Variants in TCF7L2 observed in about 807,000 individuals in gnomAD.
The protein encoded by TCF7L2 is transcription factor 7 like 2, also known as transcription factor 7-like 2.
TCF7L2 carries 23 observed loss-of-function variants against 77.9 expected under a neutral mutation model. That is an observed-to-expected ratio of 0.30 (90% CI 0.21 to 0.42). The LOEUF is 0.42. Among genes scored for constraint, TCF7L2 ranks in the 10% least tolerant of loss-of-function variants. The pLI is 1.00. For missense variants in TCF7L2, 654 were observed against 793.1 expected, an observed-to-expected ratio of 0.82 and a Z score of 2.11; for synonymous variants, 413 against 340.2, an observed-to-expected ratio of 1.21 and a Z score of -2.36.
chr10:112,959,469 T>TA (rs1218904837), intron 3 of TCF7L2, among the ~76,000 whole-genome samples: 1 of 152,118 alleles, frequency 6.6e-6, no homozygotes, highest in African/African-American at 2.4e-5. Context: ...ATTGAGACAG[T>TA]AGGAGAGATT....
At chr10:113,136,467 A>G (rs1052355280) in intron 5 of TCF7L2, among the ~76,000 whole-genome samples, 1 of 152,158 alleles carries the variant, frequency 6.6e-6, no homozygotes, top group Non-Finnish European at 1.5e-5. Context: ...CGTTGTCATC[A>G]TGTTTTCAGA....
At chr10:112,964,427 A>G (rs2036026059) in intron 3 of TCF7L2, 129 bp from the exon 4 acceptor site, 1 of 731,116 alleles carries the variant, frequency 1.4e-6, no homozygotes. Context: ...GAAAGTACAC[A>G]GGTCTTGATT....
chr10:113,062,259 T>C (rs2056579871), intron 5 of TCF7L2, among the ~76,000 whole-genome samples: 1 of 152,176 alleles, frequency 6.6e-6, no homozygotes, highest in Non-Finnish European at 1.5e-5. Flanking sequence ...CTGTGTTCTT[T>C]GCCTACCCCT....
In TCF7L2 at chr10:112,955,705, T is replaced by C. The variant is rs186945014; in HGVS notation, c.381+4098T>C. On this transcript the variant is annotated intron_variant, in intron 3 of 13. Transcript: ENST00000627217. ...TTACTGATAGGGATTTCATTTAGAGTCATTGCTGGAAGTTGGTCAGCTTTC... is the reference window on the plus strand; with the variant it reads ...TTACTGATAGGGATTTCATTTAGAGCCATTGCTGGAAGTTGGTCAGCTTTC... Among the ~76,000 whole-genome samples, 525 of 152,222 alleles carry C rather than the reference T, an allele frequency of 3.4e-3. 1 individual carries two copies. Among genetic ancestry groups the C allele is most frequent in the Non-Finnish European group, 5.7e-3 (391 of 68,016 alleles).
chr10:113,164,767 C>T (rs553795991), intron 13 of TCF7L2, among the ~76,000 whole-genome samples: 15 of 149,614 alleles, frequency 1.0e-4, no homozygotes, highest in African/African-American at 3.2e-4. Context: ...TTTTTTGTTT[C>T]GTTTTTTGTT....
At chr10:113,116,188 C>T (rs879655931) in intron 5 of TCF7L2, among the ~76,000 whole-genome samples, 38 of 152,048 alleles carry the variant, frequency 2.5e-4, no homozygotes, top group Non-Finnish European at 4.7e-4. Context: ...ATCATTTTCT[C>T]CCTCTTTTCC....
chr10:112,969,853 C>G (rs1282671663), intron 4 of TCF7L2, among the ~76,000 whole-genome samples: 1 of 152,192 alleles, frequency 6.6e-6, no homozygotes, highest in East Asian at 1.9e-4. Flanking sequence ...GAATGCCCTG[C>G]AGGTGATTGT....
intron 12 of TCF7L2, among the ~76,000 whole-genome samples, chr10:113,159,249 TCTAA>T (rs1292321418): frequency 1.2e-4 from 19 of 152,178 alleles, no homozygotes; most frequent in Admixed American, 2.6e-4. Flanking sequence ...GCTATGAGCT[TCTAA>T]CTAACTCCTA....
intron 3 of TCF7L2, among the ~76,000 whole-genome samples, chr10:112,964,281 A>T (rs2035986804): frequency 6.6e-6 from 1 of 151,984 alleles, no homozygotes; most frequent in Admixed American, 6.6e-5. Context: ...TTTCCTTTTC[A>T]TGTCATTGAT....
intron 5 of TCF7L2, among the ~76,000 whole-genome samples, chr10:113,134,815 A>G (rs2067159240): frequency 6.6e-6 from 1 of 152,174 alleles, no homozygotes; most frequent in South Asian, 2.1e-4. Context: ...AAGACCCCCA[A>G]AGACCTTCCA....
intron 5 of TCF7L2, among the ~76,000 whole-genome samples, chr10:113,058,459 A>G (rs2134777050): frequency 6.6e-6 from 1 of 152,214 alleles, no homozygotes; most frequent in East Asian, 1.9e-4. Context: ...GGTTCGTTGG[A>G]AAATGTGGTT....
chr10:112,951,511 T>G lies in TCF7L2; in HGVS notation c.285T>G (p.Phe95Leu), dbSNP rs755936952. The change falls in exon 3 of 14, where the codon TTT (phenylalanine) becomes TTG (leucine). Residue 95 changes from phenylalanine to leucine, a missense_variant. Physicochemically the swap from Phe to Leu is conservative, Grantham distance 22. This residue lies in a region of TCF7L2 where 132 missense variants were observed against 123.7 expected (regional missense o/e 1.07). Coordinates refer to ENST00000627217, the MANE Select transcript of TCF7L2 (RefSeq NM_001146274.2). The stretch of plus-strand genomic sequence containing the variant: ...CCAAGAGGCAAGATGGAGGGCTCTT[T>G]AAGGGGCCACCGTATCCCGGCTACC... 7.0e-7 allele frequency: 1 copy of G among 1,429,200 alleles called. No individual in the cohort carries two copies. The highest frequency in any genetic ancestry group is 3.5e-5 in the East Asian group (1 of 28,492). The allele number at this position is 1,429,200 out of a possible 1,614,324, so 88.5% of individuals were successfully genotyped here.
intron 11 of TCF7L2, among the ~76,000 whole-genome samples, chr10:113,152,871 C>T (rs1266439847): frequency 2.0e-5 from 3 of 152,192 alleles, no homozygotes; most frequent in Non-Finnish European, 2.9e-5. Flanking sequence ...TTAATTCCTC[C>T]CAGGCCTTTC....
At position 112,950,837 on chromosome 10, in the gene TCF7L2, G is replaced by C. The variant is rs1411132876; in HGVS notation, c.81G>C (p.Gln27His). 6.2e-7 allele frequency: 1 copy of C among 1,607,854 alleles called. No individual in the cohort carries two copies. Among genetic ancestry groups the C allele is most frequent in the Non-Finnish European group, 8.5e-7 (1 of 1,176,984 alleles). ...TTTCCTTCAAAGACGAGGGCGAACA[G>C]GAGGAGAAGAGCTCCGAAAACTCCT... The change falls in exon 1 of 14, where the codon CAG (glutamine) becomes CAC (histidine). Residue 27 changes from glutamine to histidine, a missense_variant. Coordinates refer to ENST00000627217, the MANE Select transcript of TCF7L2 (RefSeq NM_001146274.2).
intron 5 of TCF7L2, among the ~76,000 whole-genome samples, chr10:113,134,196 G>T (rs915404557): frequency 2.6e-5 from 4 of 152,230 alleles, no homozygotes; most frequent in Admixed American, 6.5e-5. Context: ...CCACGGTGAT[G>T]CATGGGTCCT....
chr10:113,157,371 G>A (rs1279056795), intron 11 of TCF7L2, among the ~76,000 whole-genome samples: 3 of 152,164 alleles, frequency 2.0e-5, no homozygotes, highest in Non-Finnish European at 4.4e-5. Flanking sequence ...TCCCACCTCC[G>A]CCCCTCAGAG....
chr10:112,958,760 G>GAA (rs1564709723), intron 3 of TCF7L2, among the ~76,000 whole-genome samples: 1 of 152,122 alleles, frequency 6.6e-6, no homozygotes, highest in Non-Finnish European at 1.5e-5. Flanking sequence ...TTTGGAAAGT[G>GAA]AAATAAAAGG....
chr10:113,058,021 C>T (rs1209234369), intron 5 of TCF7L2, among the ~76,000 whole-genome samples: 1 of 152,158 alleles, frequency 6.6e-6, no homozygotes, highest in African/African-American at 2.4e-5. Context: ...GAAGGACCCT[C>T]ATCGAGCAAA....
chr10:113,048,946 C>T (rs1034129964), intron 5 of TCF7L2, among the ~76,000 whole-genome samples: 4 of 152,082 alleles, frequency 2.6e-5, no homozygotes, highest in African/African-American at 9.7e-5. Flanking sequence ...GTCAGATTTT[C>T]ATCTTTTTAA....
Sources: gnomAD v4.1 joint callset for allele counts (sites outside exome capture counted in the v4.1 genomes callset) on GRCh38, gnomAD v4.1.1 for gene constraint, gnomAD v4.1.1 regional missense constraint, MANE v1.5 for transcripts, NCBI Gene and HGNC (gene_info 2026-07-23, HGNC 2026-07-21) for gene names.